GPC5: variants seen among roughly 807,000 people sequenced by gnomAD.
The protein encoded by GPC5 is glypican 5.
A neutral mutation model predicts 53.9 loss-of-function variants in GPC5; 47 were observed. The ratio of observed to expected loss-of-function variants is 0.87; its 90% confidence interval spans 0.69 to 1.11. GPC5 has a LOEUF of 1.11. Ranked by LOEUF, GPC5 falls within the 50% of genes most tolerant of loss-of-function variation. The pLI is 0.00. For missense variants in GPC5, 748 were observed against 713.1 expected, an observed-to-expected ratio of 1.05 and a Z score of -0.56; for synonymous variants, 286 against 263.3, an observed-to-expected ratio of 1.09 and a Z score of -0.84.
chr13:91,422,228 A>G (rs778420564), intron 1 of GPC5, among the ~76,000 whole-genome samples: 4 of 152,274 alleles, frequency 2.6e-5, no homozygotes, highest in Non-Finnish European at 4.4e-5. Flanking sequence ...GTATAAAAAT[A>G]GAAAAATAAT....
chr13:92,757,601 C>G (rs1304085830), intron 7 of GPC5, among the ~76,000 whole-genome samples: 2 of 152,140 alleles, frequency 1.3e-5, no homozygotes, highest in Non-Finnish European at 2.9e-5. Flanking sequence ...GGGCTAATAT[C>G]CAGAATCTAC....
chr13:92,210,438 A>G (rs2042366814), intron 7 of GPC5, among the ~76,000 whole-genome samples: 1 of 152,120 alleles, frequency 6.6e-6, no homozygotes, highest in African/African-American at 2.4e-5. Context: ...TCTTTTTAGC[A>G]TTACTAAAAA....
At chr13:92,381,880 T>TA (rs1555331657) in intron 7 of GPC5, among the ~76,000 whole-genome samples, 1,377 of 42,870 alleles carry the variant, frequency 0.032, 30 homozygotes, top group African/African-American at 0.041. Flanking sequence ...ATATATATGA[T>TA]TATATATATT....
At chr13:92,404,214 T>G (rs1181190209) in intron 7 of GPC5, among the ~76,000 whole-genome samples, 3 of 152,186 alleles carry the variant, frequency 2.0e-5, no homozygotes, top group African/African-American at 7.2e-5. Context: ...GTTACCTTAT[T>G]TTTTGCCTTT....
At chr13:92,053,762 G>C (rs1317608841) in intron 6 of GPC5, among the ~76,000 whole-genome samples, 2 of 151,954 alleles carry the variant, frequency 1.3e-5, no homozygotes, top group South Asian at 2.1e-4. Context: ...CGGGCGCGGT[G>C]GTTTACACCT....
intron 6 of GPC5, among the ~76,000 whole-genome samples, chr13:92,099,750 C>T (rs1167840270): frequency 1.3e-5 from 2 of 152,158 alleles, no homozygotes; most frequent in East Asian, 3.9e-4. Context: ...CCCAATAAGT[C>T]ATGCCCTTGT....
At chr13:91,737,493 T>C (rs2036840490) in intron 4 of GPC5, among the ~76,000 whole-genome samples, 1 of 151,518 alleles carries the variant, frequency 6.6e-6, no homozygotes, top group African/African-American at 2.5e-5. Context: ...CATAGCTTAG[T>C]TTCTGTAATA....
chr13:92,488,382 T>A (rs1879638338), intron 7 of GPC5, among the ~76,000 whole-genome samples: 1 of 152,168 alleles, frequency 6.6e-6, no homozygotes, highest in Non-Finnish European at 1.5e-5. Context: ...TCCACTTCAT[T>A]TCCAAAATGC....
chr13:91,633,689 C>T (rs1276251857), intron 2 of GPC5, among the ~76,000 whole-genome samples: 2 of 152,106 alleles, frequency 1.3e-5, no homozygotes, highest in African/African-American at 4.8e-5. Context: ...ATTTGGACTT[C>T]CAATTTACCG....
intron 7 of GPC5, among the ~76,000 whole-genome samples, chr13:92,217,823 T>C (rs2042421635): frequency 6.6e-6 from 1 of 151,994 alleles, no homozygotes; most frequent in Non-Finnish European, 1.5e-5. Flanking sequence ...CTCATGCAGT[T>C]ACCCTAATAT....
intron 2 of GPC5, among the ~76,000 whole-genome samples, chr13:91,636,075 C>A (rs77489749): frequency 6.6e-6 from 1 of 151,854 alleles, no homozygotes; most frequent in Non-Finnish European, 1.5e-5. Flanking sequence ...GTTAGGTATT[C>A]TGTATAGTTT....
chr13:92,787,503 A>C (rs1876282422), intron 7 of GPC5, among the ~76,000 whole-genome samples: 1 of 151,694 alleles, frequency 6.6e-6, no homozygotes, highest in South Asian at 2.1e-4. Flanking sequence ...AGTAAATTAG[A>C]AGGTAATAAA....
At chr13:92,579,144 A>G (rs1405002945) in intron 7 of GPC5, among the ~76,000 whole-genome samples, 5 of 152,128 alleles carry the variant, frequency 3.3e-5, no homozygotes, top group Non-Finnish European at 5.9e-5. Flanking sequence ...GCAAGAAACA[A>G]AAAGAAAGAA....
At chr13:92,198,365 T>A (rs998337403) in intron 7 of GPC5, among the ~76,000 whole-genome samples, 3 of 152,206 alleles carry the variant, frequency 2.0e-5, no homozygotes, top group South Asian at 2.1e-4. Context: ...GTTGATAGGT[T>A]GGTTGATACC....
chr13:91,572,309 A>T (rs1379509641), intron 2 of GPC5, among the ~76,000 whole-genome samples: 1 of 151,812 alleles, frequency 6.6e-6, no homozygotes, highest in African/African-American at 2.4e-5. Flanking sequence ...ATTTCACTAT[A>T]AAGTAGAATA....
intron 2 of GPC5, among the ~76,000 whole-genome samples, chr13:91,464,850 G>T (rs1882140906): frequency 6.6e-6 from 1 of 151,994 alleles, no homozygotes; most frequent in Admixed American, 6.6e-5. Context: ...CAAAATCTGA[G>T]TAAGCTCTGT....
At chr13:91,778,761 G>A (rs976658479) in intron 5 of GPC5, among the ~76,000 whole-genome samples, 20 of 152,076 alleles carry the variant, frequency 1.3e-4, no homozygotes, top group African/African-American at 3.4e-4. Flanking sequence ...ACAGTCATGC[G>A]TCACTAAATA....
intron 7 of GPC5, among the ~76,000 whole-genome samples, chr13:92,640,180 A>T (rs1885544723): frequency 6.6e-6 from 1 of 152,014 alleles, no homozygotes; most frequent in Non-Finnish European, 1.5e-5. Flanking sequence ...ATATCTATGT[A>T]TTATTTTTCT....
chr13:91,479,008 G>A (rs2139209030), intron 2 of GPC5, among the ~76,000 whole-genome samples: 2 of 150,106 alleles, frequency 1.3e-5, no homozygotes, highest in South Asian at 4.2e-4. Flanking sequence ...CGCCTTCTGG[G>A]TTCAAGCGAT....
Sources: allele counts gnomAD v4.1 joint callset (sites outside exome capture counted in the v4.1 genomes callset), GRCh38; gene constraint gnomAD v4.1.1; transcripts MANE v1.5; gene names NCBI Gene and HGNC (gene_info 2026-07-23, HGNC 2026-07-21).